Variants in RNF40 observed in about 807,000 individuals in gnomAD.
RNF40 encodes E3 ubiquitin-protein ligase BRE1B.
RNF40 carries 39 observed loss-of-function variants against 123.3 expected under a neutral mutation model. The observed-to-expected ratio is 0.32, with a 90% CI of 0.24 to 0.41. The LOEUF (loss-of-function observed/expected upper bound fraction) is 0.41, where lower values mean the gene tolerates loss of function less well. Ranked by LOEUF, RNF40 falls within the 10% of genes least tolerant of loss-of-function variation. RNF40 has a pLI of 1.00. For missense variants in RNF40, 1,003 were observed against 1,319.9 expected, an observed-to-expected ratio of 0.76 and a Z score of 3.72; for synonymous variants, 538 against 526.0, an observed-to-expected ratio of 1.02 and a Z score of -0.31.
Position 30,774,986 on chromosome 16 carries a change from T to A in RNF40, c.*872T>A, listed in dbSNP as rs1465856372. Reference sequence around the variant, plus strand: ...TGGGCCAACTTCCAATCATTCCAGCTAGAAGAGCTTCCCCCTGACACCCTG... The same window carrying A: ...TGGGCCAACTTCCAATCATTCCAGCAAGAAGAGCTTCCCCCTGACACCCTG... On this transcript the variant is annotated 3_prime_UTR_variant, in exon 20 of 20. Coordinates refer to ENST00000324685, the MANE Select transcript of RNF40 (RefSeq NM_014771.4). The A allele has an allele frequency of 2.2e-6, 1 of 456,384 alleles. No individual in the cohort carries two copies. Among genetic ancestry groups the A allele is most frequent in the African/African-American group, 2.0e-5 (1 of 50,058 alleles). 28.3% of individuals were successfully genotyped at this position (456,384 alleles called of 1,614,324 possible).
chr16:30,763,255 A>G lies in RNF40; in HGVS notation c.270A>G (p.Thr90=). 1 of 1,613,732 alleles carries G rather than the reference A, an allele frequency of 6.2e-7. No individual in the cohort carries two copies. Among genetic ancestry groups the G allele is most frequent in the Non-Finnish European group, 8.5e-7 (1 of 1,179,952 alleles). The part of the protein sequence containing the change: ...LEKRQATDDA[T]LLIVNRYWAQ... The stretch of plus-strand genomic sequence containing the variant: ...AGCGGCAGGCCACAGATGATGCCAC[A>G]CTCCTCATCGTCAATCGCTACTGGG... Residue 90 remains threonine (T), a synonymous_variant, in exon 3 of 20, where the codon ACA becomes ACG. Coordinates refer to ENST00000324685, the MANE Select transcript of RNF40 (RefSeq NM_014771.4).
Position 30,771,955 on chromosome 16 carries a change from C to T in RNF40, c.2709C>T (p.Phe903=), listed in dbSNP as rs1244122707. Residue 903 remains phenylalanine, a synonymous_variant, in exon 18 of 20, where the codon TTC becomes TTT. Coordinates refer to ENST00000324685, the MANE Select transcript of RNF40 (RefSeq NM_014771.4). ...ESRAAREKES[F]NLKRAQEDIS... Reference sequence around the variant, plus strand: ...GGGCTGCTCGTGAGAAAGAGAGCTTCAACCTCAAGAGGGCTCAGGTGTGTG... The same window carrying T: ...GGGCTGCTCGTGAGAAAGAGAGCTTTAACCTCAAGAGGGCTCAGGTGTGTG... 2 of 1,597,998 alleles carry T rather than the reference C, an allele frequency of 1.3e-6. No individual in the cohort carries two copies. Among genetic ancestry groups the T allele is most frequent in the South Asian group, 1.1e-5 (1 of 89,080 alleles).
rs1373969758 is a variant in RNF40 at position 30,766,921 on chromosome 16, G to T, written c.1429+45G>T. On this transcript the variant is annotated intron_variant, in intron 11 of 19. Coordinates refer to ENST00000324685, the MANE Select transcript of RNF40 (RefSeq NM_014771.4). The surrounding 1 kb of genome is among the most constrained non-coding windows in gnomAD (Gnocchi z 5.4). The stretch of plus-strand genomic sequence containing the variant: ...CGGAGGTGGGGCCTTATCTGGGAGT[G>T]CTGGGCCCTGGTGTGGGGCTGCTGC... 6.2e-7 allele frequency: 1 copy of T among 1,600,270 alleles called. No individual in the cohort carries two copies. Among genetic ancestry groups the T allele is most frequent in the South Asian group, 1.1e-5 (1 of 89,730 alleles).
intron 17 of RNF40, among the ~76,000 whole-genome samples, chr16:30,770,901 G>A (rs1335849533): frequency 5.9e-5 from 9 of 151,998 alleles, no homozygotes; most frequent in African/African-American, 2.4e-5. Context: ...TAGTAGAGAC[G>A]GGGTTTCACT....
At chr16:30,771,219 A>T (rs1045100922) in intron 17 of RNF40, among the ~76,000 whole-genome samples, 4 of 152,152 alleles carry the variant, frequency 2.6e-5, no homozygotes, top group Non-Finnish European at 5.9e-5. Context: ...AAAGAAAAAT[A>T]GGGGAGCCTT....
rs762651490 is a variant in RNF40, at chr16:30,763,567, C to A, written c.442+8C>A. 2 of 1,613,910 alleles carry A rather than the reference C, an allele frequency of 1.2e-6. No individual in the cohort carries two copies. Among genetic ancestry groups the A allele is most frequent in the Non-Finnish European group, 1.7e-6 (2 of 1,179,986 alleles). On this transcript the variant is annotated splice_region_variant and intron_variant, in intron 4 of 19. Coordinates refer to ENST00000324685, the MANE Select transcript of RNF40 (RefSeq NM_014771.4). ...GGACATCAGAGCTGAGAGGTAGGAC[C>A]AGAGTGCTGGGATCTGGGGAGCTTA...
chr16:30,762,829 C>T (rs1596737135), intron 2 of RNF40, 152 bp downstream of exon 2: 1 of 1,012,388 alleles, frequency 9.9e-7, no homozygotes. Flanking sequence ...AAGCTCAGAA[C>T]ACGACGCCTG....
chr16:30,770,192 C>T (rs532011450), intron 17 of RNF40, among the ~76,000 whole-genome samples: 7 of 144,136 alleles, frequency 4.9e-5, no homozygotes, highest in African/African-American at 1.0e-4. Context: ...CTGCAACCTC[C>T]GCCTCCCAGG....
At chr16:30,767,761 C>A in intron 11 of RNF40, 133 bp from the exon 12 acceptor site, 4 of 1,191,744 alleles carry the variant, frequency 3.4e-6, no homozygotes, top group South Asian at 1.4e-5. Context: ...TTGATGAGTT[C>A]ATGCTCCGTT....
At chr16:30,761,783 C>G (rs1296645989), upstream of RNF40, 2 of 1,491,370 alleles carry the variant, frequency 1.3e-6, no homozygotes, top group African/African-American at 2.8e-5. Flanking sequence ...GCGCCCCGGG[C>G]TCCCGCCGCC....
intron 19 of RNF40, 71 bp from the exon 20 acceptor site, chr16:30,773,867 C>A (rs1447593886): frequency 3.3e-6 from 5 of 1,511,828 alleles, no homozygotes; most frequent in African/African-American, 1.4e-5. Context: ...GGCCTGGACT[C>A]CTCCTGCTGT....
intron 2 of RNF40, among the ~76,000 whole-genome samples, chr16:30,762,899 A>C (rs2053904140): frequency 6.6e-6 from 1 of 152,366 alleles, no homozygotes; most frequent in East Asian, 1.9e-4. Context: ...TCAAAGACTA[A>C]GGATTTACAA....
Position 30,769,368 on chromosome 16 carries a change from G to A in RNF40, c.2430G>A (p.Leu810=), listed in dbSNP as rs2054104184. The change falls in exon 16 of 20, where the codon TTG becomes TTA. Residue 810 remains leucine (L), a synonymous_variant. Coordinates refer to ENST00000324685, the MANE Select transcript of RNF40 (RefSeq NM_014771.4). The stretch of plus-strand genomic sequence containing the variant: ...TGCTGCGGGAGGAGAAGGATGAGTT[G>A]GGCGAGCAGGTCCTTGGCCTCAAGT... ...HKLLREEKDE[L]GEQVLGLKSQ... is the part of the protein sequence containing the mutation. 3 of 1,614,212 alleles carry A rather than the reference G, an allele frequency of 1.9e-6. No individual in the cohort carries two copies. The East Asian group carries it at 6.7e-5, about 36-fold the overall frequency.
chr16:30,769,681 G>T, intron 17 of RNF40, 81 bp downstream of exon 17: 1 of 1,424,902 alleles, frequency 7.0e-7, no homozygotes, highest in East Asian at 2.5e-5. Context: ...AGCACCCGAT[G>T]CAATAGCCTG....
chr16:30,765,337 G>C lies in RNF40; in HGVS notation c.918+10G>C. 1 of 1,614,186 alleles carries C rather than the reference G, an allele frequency of 6.2e-7. No homozygotes were observed. Among genetic ancestry groups the C allele is most frequent in the Non-Finnish European group, 8.5e-7 (1 of 1,180,022 alleles). The stretch of plus-strand genomic sequence containing the variant: ...AGAGGCCTTAGAGCAGGTGGGGCAG[G>C]GGTGCTGGGGCAGGTGAGGCAAGGC... On this transcript the variant is annotated intron_variant, in intron 7 of 19. Coordinates refer to ENST00000324685, the MANE Select transcript of RNF40 (RefSeq NM_014771.4).
At position 30,765,003 on chromosome 16, in the gene RNF40, C is replaced by T; in HGVS notation, c.715C>T (p.Arg239Ter). The change falls in exon 6 of 20, where the codon CGA (arginine) becomes TGA (stop). Residue 239 changes from arginine to a stop codon, truncating the protein, a stop_gained. Transcript: ENST00000324685. LOFTEE classifies it high-confidence loss of function. ...CCGAGAGCTGGGCCGTGAGAACCGGCGACTGCAGGACTTGGCCACTCAGCT... is the reference window on the plus strand; with the variant it reads ...CCGAGAGCTGGGCCGTGAGAACCGGTGACTGCAGGACTTGGCCACTCAGCT... ...HTRELGRENR[R>*]LQDLATQLQE... The T allele has an allele frequency of 2.5e-6, 4 of 1,613,814 alleles. No individual in the cohort carries two copies. Among genetic ancestry groups the T allele is most frequent in the Non-Finnish European group, 2.5e-6 (3 of 1,180,018 alleles).
chr16:30,774,796 C>T lies in RNF40; in HGVS notation c.*682C>T. ...ATCATCAGTTTCTATTCTAATCAGG[C>T]CCCTTCCCAATCTCCATTTCTCTGC... is the stretch of plus-strand genomic sequence containing the variant. On this transcript the variant is annotated 3_prime_UTR_variant, in exon 20 of 20. Coordinates refer to ENST00000324685, the MANE Select transcript of RNF40 (RefSeq NM_014771.4). 2.7e-6 allele frequency: 1 copy of T among 365,310 alleles called. No individual in the cohort carries two copies. Among genetic ancestry groups the T allele is most frequent in the South Asian group, 2.0e-5 (1 of 48,864 alleles). 22.6% of individuals were successfully genotyped at this position (365,310 alleles called of 1,614,324 possible).
At chr16:30,772,038 G>T in intron 18 of RNF40, 51 bp from the exon 19 acceptor site, 1 of 1,583,118 alleles carries the variant, frequency 6.3e-7, no homozygotes, top group South Asian at 1.1e-5. Flanking sequence ...CTGGGGGCAA[G>T]CGGCTCAAGG....
In RNF40 at chr16:30,768,927, C is replaced by T; in HGVS notation, c.2187C>T (p.Arg729=). ...TCGCGGATGAGGATGCCCTGCGGCG[C>T]ATTCGGCAGGCAGAGGAGCAGATAG... ...KKIADEDALR[R]IRQAEEQIEH... is the part of the protein sequence containing the mutation. The change falls in exon 15 of 20, where the codon CGC becomes CGT. Residue 729 remains arginine, a synonymous_variant. Coordinates refer to ENST00000324685, the MANE Select transcript of RNF40 (RefSeq NM_014771.4). The surrounding 1 kb of genome is among the most constrained non-coding windows in gnomAD (Gnocchi z 4.1). 6.2e-7 allele frequency: 1 copy of T among 1,614,174 alleles called. No individual in the cohort carries two copies. The highest frequency in any genetic ancestry group is 8.5e-7 in the Non-Finnish European group (1 of 1,180,034).
Sources: gnomAD v4.1 joint callset for allele counts (sites outside exome capture counted in the v4.1 genomes callset) on GRCh38, gnomAD v4.1.1 for gene constraint, Gnocchi (gnomAD v3.1) non-coding constraint, MANE v1.5 for transcripts, NCBI Gene and HGNC (gene_info 2026-07-23, HGNC 2026-07-21) for gene names.